ETV7: variants seen among roughly 807,000 people sequenced by gnomAD.
ETV7 encodes ETS variant transcription factor 7, also known as transcription factor ETV7.
Under a neutral mutation model 39.1 loss-of-function variants are expected in ETV7, and 43 were observed. The ratio of observed to expected loss-of-function variants is 1.10; its 90% CI spans 0.86 to 1.42. ETV7 has a LOEUF of 1.42. ETV7 is among the 40% of genes most tolerant of loss of function. The probability of loss-of-function intolerance (pLI) is 0.00; values close to 1 mark genes in which losing one functional copy is unlikely to be tolerated. For synonymous variants in ETV7, 196 were observed against 176.6 expected, an observed-to-expected ratio of 1.11 and a Z score of -0.87; for missense variants, 432 against 442.3, an observed-to-expected ratio of 0.98 and a Z score of 0.21.
chr6:36,385,348 C>T lies in ETV7; in HGVS notation c.142+186G>A, dbSNP rs542194967. On this transcript the variant is annotated intron_variant, in intron 2 of 7. Coordinates refer to ENST00000340181, the MANE Select transcript of ETV7 (RefSeq NM_016135.4). ...TAAAATTAGCCAGTGTGCCTGTAGT[C>T]CCAGCTATTGGAGAGGCTGAGGTGG... Among the ~76,000 whole-genome samples, 3 of 152,186 alleles carry T rather than the reference C, an allele frequency of 2.0e-5. No individual in the cohort carries two copies. In the East Asian group the frequency reaches 5.8e-4, roughly 29 times the overall value.
chr6:36,375,991 G>A lies in ETV7; in HGVS notation c.187C>T (p.Leu63=). ...GAGTACTCCTGCTCTGCCCAGCGCAGCCAGTGCAGCACGTCCTCCCTGCTC... is the reference window on the plus strand; with the variant it reads ...GAGTACTCCTGCTCTGCCCAGCGCAACCAGTGCAGCACGTCCTCCCTGCTC... The part of the protein sequence containing the change: ...LWSREDVLHW[L]RWAEQEYSLP... The change falls in exon 3 of 8, where the codon CTG becomes TTG. Residue 63 remains leucine (L), a synonymous_variant. Transcript: ENST00000340181. The A allele has an allele frequency of 6.2e-7, 1 of 1,610,860 alleles. No individual in the cohort carries two copies. Among genetic ancestry groups the A allele is most frequent in the Non-Finnish European group, 8.5e-7 (1 of 1,180,004 alleles).
rs1772740350 is a variant in ETV7 at position 36,366,730 on chromosome 6, T to C, written c.941A>G (p.Asp314Gly). ...FLKTPGKMVQ[D>G]KHSHLEPLES... The stretch of plus-strand genomic sequence containing the variant: ...CAGCGGCTCCAGGTGGCTGTGCTTG[T>C]CCTGGACCATCTTTCCCGGAGTCTT... Residue 314 changes from aspartate to glycine, a missense_variant, in exon 8 of 8, where the codon GAC becomes GGC. Physicochemically the swap from Asp to Gly is moderately conservative, Grantham distance 94. Coordinates refer to ENST00000340181, the MANE Select transcript of ETV7 (RefSeq NM_016135.4). 2 of 1,614,060 alleles carry C rather than the reference T, an allele frequency of 1.2e-6. No individual in the cohort carries two copies. Among genetic ancestry groups the C allele is most frequent in the Non-Finnish European group, 1.7e-6 (2 of 1,180,008 alleles).
At chr6:36,368,837 G>A (rs763017) in intron 6 of ETV7, 92 bp downstream of exon 6, 38,251 of 1,539,868 alleles carry the variant, frequency 0.025, 1,730 homozygotes, top group East Asian at 0.17. Context: ...CCCATCAGCT[G>A]AGGATTGTCC....
chr6:36,359,789 C>T (rs967638234), intron 7 of ETV7, among the ~76,000 whole-genome samples: 1 of 152,164 alleles, frequency 6.6e-6, no homozygotes, highest in African/African-American at 2.4e-5. Flanking sequence ...TTCTCAACTC[C>T]ATGTGCTAAG....
At chr6:36,356,674 A>G (rs1246796991) in intron 7 of ETV7, among the ~76,000 whole-genome samples, 1 of 152,232 alleles carries the variant, frequency 6.6e-6, no homozygotes, top group Non-Finnish European at 1.5e-5. Context: ...GCTTCTCTTA[A>G]TGGCCCAGCC....
rs1456703258 is a variant in ETV7, at chr6:36,368,929, C to T, written c.807G>A (p.Lys269=). Residue 269 remains lysine (K), a splice_region_variant and synonymous_variant, in exon 6 of 8, where the codon AAG becomes AAA. Transcript: ENST00000340181. ...GACCATTCTGCTGGCCGAGGCTCAC[C>T]TTGTGATTTCCCCAGAGTCTGGCGA... ...NGLARLWGNH[K]NRVNMTYEKM... 1.2e-6 allele frequency: 2 copies of T among 1,614,052 alleles called. No homozygotes were observed. The highest frequency in any genetic ancestry group is 1.7e-6 in the Non-Finnish European group (2 of 1,180,040).
chr6:36,376,916 G>A (rs1773400008), intron 2 of ETV7, among the ~76,000 whole-genome samples: 1 of 152,118 alleles, frequency 6.6e-6, no homozygotes, highest in African/African-American at 2.4e-5. Context: ...GAACTTTTCT[G>A]CTCCATTGTG....
downstream of ETV7, among the ~76,000 whole-genome samples, chr6:36,363,382 G>GTGGGCTCA (rs1207647611): frequency 6.6e-6 from 1 of 151,130 alleles, no homozygotes; most frequent in Non-Finnish European, 1.5e-5. Context: ...GTTCCTCCCC[G>GTGGGCTCA]TGGGCTCATG....
rs549907754 is a variant in ETV7, at chr6:36,366,897, G to A, written c.886C>T (p.Pro296Ser). 129 of 1,614,020 alleles carry A rather than the reference G, an allele frequency of 8.0e-5. 2 individuals are homozygous for A. In the South Asian group the frequency reaches 1.3e-3, roughly 17 times the overall value. Residue 296 changes from proline (P) to serine (S), a missense_variant, in exon 7 of 8, where the codon CCG (proline) becomes TCG (serine). Physicochemically the swap from Pro to Ser is moderately conservative, Grantham distance 74. Transcript: ENST00000340181. The stretch of plus-strand genomic sequence containing the variant: ...CACCTGAACAGGAGTTTCTGCCCCG[G>A]TTCCTTCTTAATGATATTAAGCTTA... ...YYKLNIIKKE[P>S]GQKLLFRFLK...
chr6:36,385,771 A>T (rs1429903689), intron 1 of ETV7, 102 bp from the exon 2 acceptor site: 12 of 1,280,178 alleles, frequency 9.4e-6, no homozygotes, highest in Non-Finnish European at 1.3e-5. Flanking sequence ...AAGAGTGTTT[A>T]TCTCCACCAG....
chr6:36,358,911 G>C (rs184414580), intron 7 of ETV7, among the ~76,000 whole-genome samples: 7 of 152,306 alleles, frequency 4.6e-5, no homozygotes, highest in African/African-American at 1.7e-4. Flanking sequence ...GTGCTTCCTT[G>C]AGTTAGGATG....
intron 5 of ETV7, 110 bp from the exon 6 acceptor site, chr6:36,369,181 G>C: frequency 1.6e-6 from 2 of 1,228,084 alleles, no homozygotes; most frequent in Non-Finnish European, 2.3e-6. Flanking sequence ...AGGAGCACCA[G>C]CAGGAAGGTG....
intron 2 of ETV7, among the ~76,000 whole-genome samples, chr6:36,381,279 G>A (rs1375867176): frequency 2.0e-5 from 3 of 152,222 alleles, no homozygotes; most frequent in Admixed American, 6.5e-5. Context: ...TGTGGGGTCT[G>A]AGGGATGCCG....
Position 36,373,483 on chromosome 6 carries a change from G to T in ETV7, c.403C>A (p.Pro135Thr). Reference protein sequence around the residue: ...FFGGIFRLKTPTQHSPVPPEE... With the variant: ...FFGGIFRLKTTTQHSPVPPEE... ...GGGGGGACTGGAGAGTGCTGGGTGGGCGTCTTCAGCCTGAAGATCCCTCCA... is the reference window on the plus strand; with the variant it reads ...GGGGGGACTGGAGAGTGCTGGGTGGTCGTCTTCAGCCTGAAGATCCCTCCA... The change falls in exon 4 of 8, where the codon CCC becomes ACC. Residue 135 changes from proline to threonine, a missense_variant. Pro to Thr is a conservative substitution (Grantham distance 38). Transcript: ENST00000340181. 1 of 1,582,184 alleles carries T rather than the reference G, an allele frequency of 6.3e-7. No homozygotes were observed. Among genetic ancestry groups the T allele is most frequent in the East Asian group, 2.4e-5 (1 of 42,108 alleles).
chr6:36,354,216 ACTTT>A (rs1772282758), exon 8 of ETV7: 2 of 92,492 alleles, frequency 2.2e-5, no homozygotes, highest in African/African-American at 8.6e-5. Flanking sequence ...TTTTTTTTTT[ACTTT>A]CTTGATGGTG....
At chr6:36,362,657 C>A (rs913653696), downstream of ETV7, among the ~76,000 whole-genome samples, 1 of 152,162 alleles carries the variant, frequency 6.6e-6, no homozygotes, top group Non-Finnish European at 1.5e-5. Context: ...GGGGTCCATC[C>A]CCAGACCACG....
intron 4 of ETV7, 27 bp downstream of exon 4, chr6:36,373,417 GGGAGGTACT>G: frequency 1.3e-6 from 2 of 1,492,824 alleles, no homozygotes; most frequent in Non-Finnish European, 1.8e-6. Context: ...GCTGATTTGA[GGGAGGTACT>G]CCGAGCACCA....
chr6:36,364,290 C>A (rs1026729526), downstream of ETV7, among the ~76,000 whole-genome samples: 1 of 152,196 alleles, frequency 6.6e-6, no homozygotes. Context: ...GGGTGGCGCT[C>A]GTCGGGGAGG....
intron 3 of ETV7, among the ~76,000 whole-genome samples, chr6:36,373,815 C>T (rs574443166): frequency 1.4e-4 from 22 of 152,366 alleles, no homozygotes; most frequent in Middle Eastern, 3.4e-3. Context: ...TGCCGGTACA[C>T]GCAGCCGCCT....
Sources: allele counts gnomAD v4.1 joint callset (sites outside exome capture counted in the v4.1 genomes callset), GRCh38; gene constraint gnomAD v4.1.1; transcripts MANE v1.5; gene names NCBI Gene and HGNC (gene_info 2026-07-23, HGNC 2026-07-21).